Variants in CDCA7 observed in about 807,000 individuals in gnomAD.
The protein encoded by CDCA7 is cell division cycle associated 7, also known as cell division cycle-associated protein 7.
CDCA7 carries 28 observed loss-of-function variants against 54.0 expected under a neutral mutation model. The observed-to-expected ratio is 0.52, with a 90% CI of 0.38 to 0.71. The LOEUF (loss-of-function observed/expected upper bound fraction) is 0.71. Among genes scored for constraint, CDCA7 ranks in the 30% least tolerant of loss-of-function variants. CDCA7 has a pLI of 0.00. For synonymous variants in CDCA7, 180 were observed against 208.2 expected (o/e 0.86, Z 1.16); for missense variants, 484 against 586.0 (o/e 0.83, Z 1.80).
chr2:173,363,222 T>A lies in CDCA7; in HGVS notation c.385-4T>A, dbSNP rs371105923. 2.7e-5 allele frequency: 43 copies of A among 1,613,848 alleles called. No homozygotes were observed. The highest frequency in any genetic ancestry group is 3.1e-5 in the Non-Finnish European group (36 of 1,179,906). ...AGTCCTAATGACTCAATTGTTGTGA[T>A]TAGAGGCTGCAGTCAGTTCGGGAAG... On this transcript the variant is annotated splice_polypyrimidine_tract_variant and splice_region_variant and intron_variant, in intron 3 of 9. Transcript: ENST00000306721.
chr2:173,364,855 C>G lies in CDCA7; in HGVS notation c.760C>G (p.Arg254Gly). 6.2e-7 allele frequency: 1 copy of G among 1,611,320 alleles called. No individual in the cohort carries two copies. Among genetic ancestry groups the G allele is most frequent in the Non-Finnish European group, 8.5e-7 (1 of 1,179,124 alleles). ...TGTTGCTTCCAGGAGAAACCCTGAA[C>G]GGAGAGCTCGTCCTCTTACCAGGTC... ...PGVASRRNPE[R>G]RARPLTRSRS... Residue 254 changes from arginine (R) to glycine (G), a missense_variant, in exon 6 of 10, where the codon CGG becomes GGG. Coordinates refer to ENST00000306721, the MANE Select transcript of CDCA7 (RefSeq NM_031942.5).
At chr2:173,360,200 G>C (rs1161642847) in intron 3 of CDCA7, among the ~76,000 whole-genome samples, 3 of 152,214 alleles carry the variant, frequency 2.0e-5, no homozygotes, top group African/African-American at 4.8e-5. Context: ...TTCATGGTTT[G>C]AGTAACATTG....
At chr2:173,363,533 C>A in intron 4 of CDCA7, 71 bp downstream of exon 4, 6 of 1,410,594 alleles carry the variant, frequency 4.3e-6, no homozygotes, top group Non-Finnish European at 5.9e-6. Flanking sequence ...TCTGTTCCAT[C>A]ACGCAAAAGT....
At chr2:173,355,580 G>A (rs61394259) in intron 1 of CDCA7, among the ~76,000 whole-genome samples, 10,421 of 152,262 alleles carry the variant, frequency 0.068, 1,158 homozygotes, top group African/African-American at 0.24. Context: ...GTAGTCCCGG[G>A]CGGTGGTTAA....
intron 5 of CDCA7, 102 bp from the exon 6 acceptor site, chr2:173,364,693 C>T (rs941860165): frequency 6.7e-7 from 1 of 1,482,694 alleles, no homozygotes; most frequent in Admixed American, 2.8e-5. Flanking sequence ...AAATAGAGCT[C>T]TCTTTACTTA....
At position 173,366,437 on chromosome 2, in the gene CDCA7, G is replaced by A. The variant is rs1460420476; in HGVS notation, c.1185+5G>A. ...AGGGATGCTCTGCTGGATCCGGTAG[G>A]TGCCTGCCAGGGGTTGGTCCTGTGG... On this transcript the variant is annotated splice_donor_5th_base_variant and intron_variant, in intron 8 of 9. Coordinates refer to ENST00000306721, the MANE Select transcript of CDCA7 (RefSeq NM_031942.5). This position sits in a 1 kb window ranked among gnomAD's most constrained non-coding sequence, Gnocchi z 4.5. 6.2e-7 allele frequency: 1 copy of A among 1,613,854 alleles called. No homozygotes were observed. The highest frequency in any genetic ancestry group is 8.5e-7 in the Non-Finnish European group (1 of 1,179,844).
intron 8 of CDCA7, 52 bp from the exon 9 acceptor site, chr2:173,367,098 G>T: frequency 6.5e-7 from 1 of 1,532,226 alleles, no homozygotes; most frequent in Admixed American, 2.2e-5. Flanking sequence ...AGATAAGTTG[G>T]TGGGGGAGGT....
Position 173,354,994 on chromosome 2 carries a change from G to A in CDCA7, c.21+10G>A, listed in dbSNP as rs1176029642. 5 of 1,393,234 alleles carry A rather than the reference G, an allele frequency of 3.6e-6. No homozygotes were observed. In the East Asian group the frequency reaches 9.1e-5, roughly 25 times the overall value. The allele number at this position is 1,393,234 out of a possible 1,614,324, so 86.3% of individuals were successfully genotyped here. A position where few individuals can be genotyped will look rare whatever the true frequency, so the allele number is the denominator to read the frequency against. On this transcript the variant is annotated intron_variant, in intron 1 of 9. Transcript: ENST00000306721. ...CGCTCGCCGCGTGCCGGTGAGGGCT[G>A]GGCGGGCGAACCCGAGGGGCGGGCG... is the stretch of plus-strand genomic sequence containing the variant.
At chr2:173,362,339 T>C (rs1686636939) in intron 3 of CDCA7, among the ~76,000 whole-genome samples, 1 of 152,094 alleles carries the variant, frequency 6.6e-6, no homozygotes, top group South Asian at 2.1e-4. Flanking sequence ...TTAATGGGTA[T>C]GGATGGAGTT....
chr2:173,358,049 A>G (rs1229454171), intron 1 of CDCA7, among the ~76,000 whole-genome samples: 2 of 151,776 alleles, frequency 1.3e-5, no homozygotes, highest in Admixed American at 1.3e-4. Context: ...AAATACAAAA[A>G]ATTAACCGGG....
intron 9 of CDCA7, 60 bp from the exon 10 acceptor site, chr2:173,367,574 C>T: frequency 6.3e-7 from 1 of 1,593,776 alleles, no homozygotes; most frequent in Non-Finnish European, 8.6e-7. Flanking sequence ...ATTAGGCTTT[C>T]AAAAGAGAAT....
chr2:173,365,709 G>A lies in CDCA7; in HGVS notation c.1035+117G>A, dbSNP rs887286590. On this transcript the variant is annotated intron_variant, in intron 7 of 9. Transcript: ENST00000306721. ...TAGCATGTGAAATCTGTACCTATATGTTTTTTTCACACAAGGAAGGAAAAG... is the reference window on the plus strand; with the variant it reads ...TAGCATGTGAAATCTGTACCTATATATTTTTTTCACACAAGGAAGGAAAAG... 13 of 1,170,480 alleles carry A rather than the reference G, an allele frequency of 1.1e-5. No homozygotes were observed. In the East Asian group the frequency reaches 2.7e-4, roughly 24 times the overall value. 72.5% of individuals were successfully genotyped at this position (1,170,480 alleles called of 1,614,324 possible). A position where few individuals can be genotyped will look rare whatever the true frequency, so the allele number is the denominator to read the frequency against.
rs1245932001 is a variant in CDCA7, at chr2:173,359,218, A to C, written c.148-37A>C. 1.9e-6 allele frequency: 3 copies of C among 1,566,886 alleles called. No individual in the cohort carries two copies. In the Admixed American group the frequency reaches 5.3e-5, roughly 28 times the overall value. On this transcript the variant is annotated intron_variant, in intron 2 of 9. Coordinates refer to ENST00000306721, the MANE Select transcript of CDCA7 (RefSeq NM_031942.5). The stretch of plus-strand genomic sequence containing the variant: ...GGAAAATTGGTTCTTGAAAAAGAAA[A>C]AAAATGCACAACCGCATTTATTTAT...
intron 3 of CDCA7, among the ~76,000 whole-genome samples, chr2:173,361,949 T>G (rs1287587478): frequency 6.6e-6 from 1 of 152,166 alleles, no homozygotes; most frequent in Non-Finnish European, 1.5e-5. Context: ...CCCAAGTAGC[T>G]GGGATTACAG....
In CDCA7 at chr2:173,363,238, G is replaced by T. The variant is rs1428507301; in HGVS notation, c.397G>T (p.Val133Phe). The T allele has an allele frequency of 2.5e-6, 4 of 1,614,026 alleles. No individual in the cohort carries two copies. The African/African-American group carries it at 4.0e-5, about 16-fold the overall frequency. The part of the protein sequence containing the change: ...EIQDGMRLQS[V>F]REGCRTRSQC... ...TTGTTGTGATTAGAGGCTGCAGTCA[G>T]TTCGGGAAGGCTGTAGGACCCGCAG... Residue 133 changes from valine (V) to phenylalanine (F), a missense_variant, in exon 4 of 10, where the codon GTT becomes TTT. Val to Phe is a conservative substitution (Grantham distance 50). Around this residue, in one of 3 missense-constraint regions of CDCA7, gnomAD observed 398 missense variants for 447.4 expected, o/e 0.89. Coordinates refer to ENST00000306721, the MANE Select transcript of CDCA7 (RefSeq NM_031942.5).
Position 173,366,505 on chromosome 2 carries a change from C to A in CDCA7, c.1185+73C>A. On this transcript the variant is annotated intron_variant, in intron 8 of 9. Coordinates refer to ENST00000306721, the MANE Select transcript of CDCA7 (RefSeq NM_031942.5). The surrounding 1 kb of genome is among the most constrained non-coding windows in gnomAD (Gnocchi z 4.5). ...AAACTGTGATGAGGCCAGAAAAAGG[C>A]ATTGGTGAAGGGGTGGAGCCCTTTC... 2 of 1,573,630 alleles carry A rather than the reference C, an allele frequency of 1.3e-6. No homozygotes were observed. The highest frequency in any genetic ancestry group is 1.2e-5 in the South Asian group (1 of 86,530).
At chr2:173,362,403 A>G (rs983548138) in intron 3 of CDCA7, among the ~76,000 whole-genome samples, 3 of 152,186 alleles carry the variant, frequency 2.0e-5, no homozygotes, top group Non-Finnish European at 2.9e-5. Context: ...ATGGCTGCAC[A>G]ACAATGTGCA....
rs1282740519 is a variant in CDCA7, at chr2:173,368,216, A to G, written c.*552A>G. 1.9e-5 allele frequency: 3 copies of G among 155,036 alleles called. No individual in the cohort carries two copies. Among genetic ancestry groups the G allele is most frequent in the African/African-American group, 7.2e-5 (3 of 41,466 alleles). 9.6% of individuals were successfully genotyped at this position (155,036 alleles called of 1,614,324 possible). On this transcript the variant is annotated 3_prime_UTR_variant, in exon 10 of 10. Coordinates refer to ENST00000306721, the MANE Select transcript of CDCA7 (RefSeq NM_031942.5). Reference sequence around the variant, plus strand: ...TTGCAGATTGATGTCTCTCAATCCCATGTATTGCGCTTATGTTACAAGTTG... The same window carrying G: ...TTGCAGATTGATGTCTCTCAATCCCGTGTATTGCGCTTATGTTACAAGTTG...
intron 1 of CDCA7, chr2:173,356,304 A>G (rs1345780617): frequency 6.6e-6 from 1 of 152,176 alleles, no homozygotes; most frequent in African/African-American, 2.4e-5. Context: ...TTTCTCGGAC[A>G]GCTTCCAATA....
Sources: gnomAD v4.1 joint callset for allele counts (sites outside exome capture counted in the v4.1 genomes callset) on GRCh38, gnomAD v4.1.1 for gene constraint, gnomAD v4.1.1 regional missense constraint, Gnocchi (gnomAD v3.1) non-coding constraint, MANE v1.5 for transcripts, NCBI Gene and HGNC (gene_info 2026-07-23, HGNC 2026-07-21) for gene names.